TASP1: variants seen among roughly 807,000 people sequenced by gnomAD.
The protein encoded by TASP1 is threonine aspartase 1.
Under a neutral mutation model 56.6 loss-of-function variants are expected in TASP1, and 16 were observed. The ratio of observed to expected loss-of-function variants is 0.28; its 90% CI spans 0.19 to 0.43. TASP1 has a LOEUF of 0.43. Among genes scored for constraint, TASP1 ranks in the 20% least tolerant of loss-of-function variants. The pLI, the probability that TASP1 is intolerant of heterozygous loss-of-function variation, is 1.00. For missense variants in TASP1, 393 were observed against 511.6 expected (o/e 0.77, Z 2.24); for synonymous variants, 179 against 184.2 (o/e 0.97, Z 0.23).
chr20:13,449,734 G>A (rs1023837462), intron 11 of TASP1, among the ~76,000 whole-genome samples: 6 of 152,126 alleles, frequency 3.9e-5, no homozygotes, highest in East Asian at 1.9e-4. Context: ...ACTGTTATAC[G>A]TGAACTTACA....
At chr20:13,425,594 G>T (rs933960161) in intron 12 of TASP1, among the ~76,000 whole-genome samples, 2 of 152,160 alleles carry the variant, frequency 1.3e-5, no homozygotes, top group African/African-American at 4.8e-5. Flanking sequence ...GAACCGTCTT[G>T]GGCTGGGCAG....
chr20:13,142,347 G>A, the TASP1 span, among the ~76,000 whole-genome samples: 2 of 152,192 alleles, frequency 1.3e-5, no homozygotes, highest in African/African-American at 4.8e-5. Flanking sequence ...CCTGAGATGG[G>A]GGAGTGGTGA....
At chr20:13,612,463 A>T (rs6042245) in intron 4 of TASP1, among the ~76,000 whole-genome samples, 41,946 of 150,816 alleles carry the variant, frequency 0.28, 7,519 homozygotes, top group African/African-American at 0.51. Context: ...AAACATGATA[A>T]CCTTTTTAGA....
intron 5 of TASP1, among the ~76,000 whole-genome samples, chr20:13,583,587 C>T (rs1208981859): frequency 6.6e-6 from 1 of 152,208 alleles, no homozygotes; most frequent in African/African-American, 2.4e-5. Context: ...CTTGGACAAA[C>T]TACTAAATCT....
chr20:13,140,116 TG>T, the TASP1 span, among the ~76,000 whole-genome samples: 2 of 152,234 alleles, frequency 1.3e-5, no homozygotes, highest in Non-Finnish European at 2.9e-5. Context: ...GGAGTAGCTC[TG>T]GAAGTCATGC....
chr20:13,371,791 C>T, the TASP1 span, among the ~76,000 whole-genome samples: 4 of 152,106 alleles, frequency 2.6e-5, no homozygotes, highest in Admixed American at 2.0e-4. Context: ...TTTTTCCCCT[C>T]GATCATGTCA....
chr20:13,285,939 G>T, the TASP1 span, among the ~76,000 whole-genome samples: 1 of 152,158 alleles, frequency 6.6e-6, no homozygotes, highest in South Asian at 2.1e-4. Context: ...GAGATTTCTG[G>T]ATAGTGGAGG....
At chr20:13,357,530 G>C in the TASP1 span, among the ~76,000 whole-genome samples, 1 of 152,122 alleles carries the variant, frequency 6.6e-6, no homozygotes, top group Admixed American at 6.5e-5. Context: ...TTAAACCCCT[G>C]ATAAGAAGGG....
intron 4 of TASP1, among the ~76,000 whole-genome samples, chr20:13,612,055 C>CA (rs2048362959): frequency 6.6e-6 from 1 of 152,084 alleles, no homozygotes. Context: ...AGGTTTCAGG[C>CA]AAAATAGCTC....
chr20:13,434,202 T>C (rs2146185233), intron 12 of TASP1, among the ~76,000 whole-genome samples: 1 of 152,272 alleles, frequency 6.6e-6, no homozygotes, highest in Admixed American at 6.5e-5. Context: ...TGATAATTCA[T>C]CAAGCAGTTG....
chr20:13,606,960 G>A (rs2147401989), intron 4 of TASP1, among the ~76,000 whole-genome samples: 1 of 152,136 alleles, frequency 6.6e-6, no homozygotes, highest in East Asian at 1.9e-4. Context: ...AGTAATTATT[G>A]TGAGCTATAA....
chr20:13,118,506 G>A, the TASP1 span, among the ~76,000 whole-genome samples: 9 of 147,642 alleles, frequency 6.1e-5, no homozygotes, highest in East Asian at 1.6e-3. Context: ...AGGAGGGAAA[G>A]GAAAGGGACA....
intron 8 of TASP1, among the ~76,000 whole-genome samples, chr20:13,548,724 G>C (rs931804941): frequency 2.6e-5 from 4 of 152,144 alleles, no homozygotes; most frequent in African/African-American, 9.7e-5. Context: ...GTCATTAACT[G>C]AATTCAATCA....
At chr20:13,471,556 C>T (rs2044492700) in intron 11 of TASP1, among the ~76,000 whole-genome samples, 1 of 152,164 alleles carries the variant, frequency 6.6e-6, no homozygotes, top group Non-Finnish European at 1.5e-5. Context: ...CTTTGAGAGT[C>T]TTTAGTACAT....
At chr20:13,435,319 T>A (rs2042962863) in intron 11 of TASP1, among the ~76,000 whole-genome samples, 165 bp from the exon 12 acceptor site, 3 of 152,150 alleles carry the variant, frequency 2.0e-5, no homozygotes, top group Admixed American at 1.3e-4. Flanking sequence ...CAAAGGCAGG[T>A]TTATGCCTGA....
the TASP1 span, among the ~76,000 whole-genome samples, chr20:13,321,775 A>G: frequency 1.3e-5 from 2 of 152,220 alleles, no homozygotes; most frequent in African/African-American, 4.8e-5. Flanking sequence ...TTGAATTCAC[A>G]TCTTTTCTTT....
At chr20:13,380,114 G>T in the TASP1 span, among the ~76,000 whole-genome samples, 1 of 152,094 alleles carries the variant, frequency 6.6e-6, no homozygotes. Context: ...TTGTTCCCTT[G>T]CTGGTAAGGA....
At chr20:13,554,451 T>C (rs958129837) in intron 8 of TASP1, among the ~76,000 whole-genome samples, 1 of 152,154 alleles carries the variant, frequency 6.6e-6, no homozygotes, top group African/African-American at 2.4e-5. Flanking sequence ...CAGAATAAAG[T>C]CTTCTGGCTT....
At chr20:13,258,615 G>A in the TASP1 span, among the ~76,000 whole-genome samples, 1 of 152,028 alleles carries the variant, frequency 6.6e-6, no homozygotes, top group Admixed American at 6.5e-5. Flanking sequence ...CCAAAAGAAA[G>A]CCTCTGAGAA....
Sources: gnomAD v4.1 joint callset for allele counts (sites outside exome capture counted in the v4.1 genomes callset) on GRCh38, gnomAD v4.1.1 for gene constraint, MANE v1.5 for transcripts, NCBI Gene and HGNC (gene_info 2026-07-23, HGNC 2026-07-21) for gene names.